The following LRP2 variants were observed in gnomAD, a reference collection of about 807,000 sequenced individuals.
The protein encoded by LRP2 is low-density lipoprotein receptor-related protein 2.
LRP2 carries 172 observed loss-of-function variants against 531.0 expected under a neutral mutation model. The observed-to-expected ratio is 0.32, with a 90% CI of 0.29 to 0.37. The LOEUF (loss-of-function observed/expected upper bound fraction) is 0.37, where lower values mean the gene tolerates loss of function less well. LRP2 is among the 10% of genes least tolerant of loss of function. The pLI, the probability that LRP2 is intolerant of heterozygous loss-of-function variation, is 1.00. For synonymous variants in LRP2, 1,992 were observed against 2,027.6 expected (o/e 0.98, Z 0.47); for missense variants, 5,167 against 5,868.3 (o/e 0.88, Z 3.90).
chr2:169,294,516 G>T, intron 5 of LRP2, 84 bp downstream of exon 5: 3 of 997,084 alleles, frequency 3.0e-6, no homozygotes, highest in Non-Finnish European at 4.8e-6. Flanking sequence ...ACCTGAACTT[G>T]GGAAGAGATG....
chr2:169,229,415 C>A (rs925989455), intron 31 of LRP2, among the ~76,000 whole-genome samples: 1 of 152,152 alleles, frequency 6.6e-6, no homozygotes, highest in Non-Finnish European at 1.5e-5. Flanking sequence ...ACAAGCTGAT[C>A]AGCACTGCAG....
At chr2:169,255,338 C>T (rs1312261928) in intron 19 of LRP2, among the ~76,000 whole-genome samples, 1 of 152,140 alleles carries the variant, frequency 6.6e-6, no homozygotes, top group Non-Finnish European at 1.5e-5. Context: ...AAGCAAACCA[C>T]CTGTTTCATG....
chr2:169,136,808 A>G (rs1685532127), intron 76 of LRP2, among the ~76,000 whole-genome samples: 2 of 152,092 alleles, frequency 1.3e-5, no homozygotes, highest in Non-Finnish European at 2.9e-5. Context: ...GCTCACACAC[A>G]CAAAAAAAGA....
At chr2:169,270,483 A>T (rs1335816448) in intron 16 of LRP2, among the ~76,000 whole-genome samples, 5 of 151,900 alleles carry the variant, frequency 3.3e-5, no homozygotes, top group Non-Finnish European at 7.4e-5. Flanking sequence ...GGAAATCATC[A>T]TTCTCAGCAA....
At chr2:169,327,497 C>T (rs1350441200) in intron 1 of LRP2, among the ~76,000 whole-genome samples, 6 of 124,980 alleles carry the variant, frequency 4.8e-5, no homozygotes, top group Non-Finnish European at 8.5e-5. Context: ...GGGGGGTCAG[C>T]CCCCCGCCCG....
At chr2:169,230,589 C>G (rs1169984364) in intron 31 of LRP2, among the ~76,000 whole-genome samples, 1 of 152,154 alleles carries the variant, frequency 6.6e-6, no homozygotes, top group African/African-American at 2.4e-5. Flanking sequence ...TTGTCTACAG[C>G]AATTTTCATC....
chr2:169,168,082 A>C (rs940893187), intron 61 of LRP2, among the ~76,000 whole-genome samples: 2 of 141,578 alleles, frequency 1.4e-5, no homozygotes, highest in Admixed American at 7.3e-5. Flanking sequence ...ATGGCCTTGA[A>C]TTACCATGTT....
chr2:169,243,179 C>A (rs1000846005), intron 23 of LRP2, 107 bp from the exon 24 acceptor site: 1 of 986,926 alleles, frequency 1.0e-6, no homozygotes, highest in South Asian at 1.3e-5. Context: ...AGTACATATG[C>A]AGAACATGCA....
intron 31 of LRP2, among the ~76,000 whole-genome samples, chr2:169,230,007 G>C (rs1242357070): frequency 5.3e-5 from 8 of 152,122 alleles, no homozygotes; most frequent in Admixed American, 5.2e-4. Flanking sequence ...TTACTCAGCT[G>C]GTGCTCTGAA....
At chr2:169,318,033 C>T (rs767102534) in intron 3 of LRP2, among the ~76,000 whole-genome samples, 1 of 152,084 alleles carries the variant, frequency 6.6e-6, no homozygotes, top group Non-Finnish European at 1.5e-5. Context: ...GCTGTGATCG[C>T]ACCACTGCAC....
At chr2:169,225,672 T>C (rs1368324074) in intron 32 of LRP2, among the ~76,000 whole-genome samples, 3 of 152,222 alleles carry the variant, frequency 2.0e-5, no homozygotes, top group Middle Eastern at 3.2e-3. Flanking sequence ...CTATCTCCAG[T>C]ACTGGCTACA....
chr2:169,161,745 A>T (rs1436595353), intron 63 of LRP2, among the ~76,000 whole-genome samples: 1 of 152,150 alleles, frequency 6.6e-6, no homozygotes, highest in Non-Finnish European at 1.5e-5. Context: ...AAGTGTTGGG[A>T]TTACAGGCAT....
chr2:169,136,162 C>A (rs544853933), intron 76 of LRP2, among the ~76,000 whole-genome samples: 1 of 152,092 alleles, frequency 6.6e-6, no homozygotes, highest in Non-Finnish European at 1.5e-5. Context: ...TAATTCTACA[C>A]GACAAATGTT....
intron 4 of LRP2, among the ~76,000 whole-genome samples, chr2:169,297,452 T>C (rs565045726): frequency 1.3e-5 from 2 of 152,304 alleles, no homozygotes; most frequent in Admixed American, 1.3e-4. Context: ...CTCTTCCTTC[T>C]GAATTTGGTT....
intron 31 of LRP2, 94 bp downstream of exon 31, chr2:169,231,620 C>T (rs1689407267): frequency 6.8e-7 from 1 of 1,476,544 alleles, no homozygotes; most frequent in African/African-American, 1.4e-5. Flanking sequence ...GGACACAGCA[C>T]ATGTTCAGTC....
chr2:169,170,173 A>G (rs1221018743), intron 59 of LRP2, among the ~76,000 whole-genome samples: 1 of 152,096 alleles, frequency 6.6e-6, no homozygotes, highest in Non-Finnish European at 1.5e-5. Flanking sequence ...TACTCTGTCA[A>G]TGATCTGATC....
rs1246837347 is a variant in LRP2 at position 169,225,416 on chromosome 2, C to G, written c.5432G>C (p.Arg1811Thr). ...IHRVKTDGTN[R>T]TVFASISMVG... ...CATAGATATAGAAGCAAATACTGTC[C>G]TGTTGGTGCCATCTGTCTTCACTCT... The change falls in exon 33 of 79, where the codon AGG (arginine) becomes ACG (threonine). Residue 1811 changes from arginine to threonine, a missense_variant. This residue lies in a region of LRP2 where 2,811 missense variants were observed against 3,058.0 expected (regional missense o/e 0.92). Transcript: ENST00000649046. 2.5e-6 allele frequency: 4 copies of G among 1,613,896 alleles called. No homozygotes were observed. Among genetic ancestry groups the G allele is most frequent in the Non-Finnish European group, 3.4e-6 (4 of 1,179,954 alleles).
chr2:169,136,254 G>T (rs182979973), intron 76 of LRP2, among the ~76,000 whole-genome samples: 2 of 150,668 alleles, frequency 1.3e-5, no homozygotes, highest in African/African-American at 4.9e-5. Context: ...TTCCCACACC[G>T]CCCCTAATCC....
chr2:169,188,576 A>G (rs1487926739), intron 48 of LRP2, among the ~76,000 whole-genome samples: 1 of 152,248 alleles, frequency 6.6e-6, no homozygotes, highest in Non-Finnish European at 1.5e-5. Flanking sequence ...GCTATTAAAA[A>G]TAATTGCATT....
Sources: gnomAD v4.1 joint callset for allele counts (sites outside exome capture counted in the v4.1 genomes callset) on GRCh38, gnomAD v4.1.1 for gene constraint, gnomAD v4.1.1 regional missense constraint, MANE v1.5 for transcripts, NCBI Gene and HGNC (gene_info 2026-07-23, HGNC 2026-07-21) for gene names.